Variants in RASGRF2 observed in about 807,000 individuals in gnomAD.
RASGRF2 encodes ras-specific guanine nucleotide-releasing factor 2.
Under a neutral mutation model 151.0 loss-of-function variants are expected in RASGRF2, and 76 were observed. The observed-to-expected ratio is 0.50, with a 90% CI of 0.42 to 0.61. The LOEUF is 0.61. Ranked by LOEUF, RASGRF2 falls within the 20% of genes least tolerant of loss-of-function variation. The pLI is 0.00. For missense variants in RASGRF2, 1,148 were observed against 1,564.6 expected (o/e 0.73, Z 4.49); for synonymous variants, 504 against 566.5 (o/e 0.89, Z 1.57).
intron 1 of RASGRF2, among the ~76,000 whole-genome samples, chr5:81,010,347 G>A (rs1369256390): frequency 6.6e-6 from 1 of 152,094 alleles, no homozygotes; most frequent in East Asian, 1.9e-4. Context: ...GGGAAATAAT[G>A]TGCATAGATG....
chr5:80,995,696 T>TCCCCG (rs1207943552), intron 1 of RASGRF2, among the ~76,000 whole-genome samples: 60 of 111,790 alleles, frequency 5.4e-4, no homozygotes, highest in Middle Eastern at 4.4e-3. Flanking sequence ...CCCCCCCCTT[T>TCCCCG]TTTTTTTTTT....
rs1364668041 is a variant in RASGRF2, at chr5:81,080,172, G to A, written c.939G>A (p.Arg313=). Residue 313 remains arginine, a synonymous_variant, in exon 6 of 27, where the codon AGG becomes AGA. Transcript: ENST00000265080. Reference sequence around the variant, plus strand: ...TATTTCATCAAGGACTAAAGGCAAGGATAGCAAACTGGCCCACTTTAATTT... The same window carrying A: ...TATTTCATCAAGGACTAAAGGCAAGAATAGCAAACTGGCCCACTTTAATTT... ...HEIFHQGLKA[R]IANWPTLILA... is the part of the protein sequence containing the mutation. The A allele has an allele frequency of 6.3e-7, 1 of 1,599,426 alleles. No homozygotes were observed. Among genetic ancestry groups the A allele is most frequent in the East Asian group, 2.2e-5 (1 of 44,714 alleles).
rs535081843 is a variant in RASGRF2 at position 81,022,718 on chromosome 5, C to T, written c.289-20159C>T. Among the ~76,000 whole-genome samples the T allele has an allele frequency of 3.3e-5, 5 of 152,286 alleles. No individual in the cohort carries two copies. In the East Asian group the frequency reaches 5.8e-4, roughly 18 times the overall value. ...CACTGGGACTTCCCTTAGTTCATGC[C>T]GTCCTCCTCCCTGGGAGAGGGGGGC... is the stretch of plus-strand genomic sequence containing the variant. On this transcript the variant is annotated intron_variant, in intron 1 of 26. Coordinates refer to ENST00000265080, the MANE Select transcript of RASGRF2 (RefSeq NM_006909.3).
intron 25 of RASGRF2, among the ~76,000 whole-genome samples, chr5:81,217,744 A>ATTT (rs201096563): frequency 1.5e-5 from 2 of 129,064 alleles, no homozygotes; most frequent in African/African-American, 2.9e-5. Context: ...TGCCCAGCTA[A>ATTT]TTTTTTTTTT....
At chr5:81,039,998 T>TTTTG (rs1425194818) in intron 1 of RASGRF2, among the ~76,000 whole-genome samples, 1 of 152,164 alleles carries the variant, frequency 6.6e-6, no homozygotes, top group Non-Finnish European at 1.5e-5. Flanking sequence ...ACATTAACTT[T>TTTTG]TTTGTTTGTT....
chr5:81,133,933 G>C (rs1753686949), intron 17 of RASGRF2, among the ~76,000 whole-genome samples: 1 of 152,080 alleles, frequency 6.6e-6, no homozygotes, highest in South Asian at 2.1e-4. Context: ...GTTGGGCTTG[G>C]ATCGGTTTTT....
rs1243413341 is a variant in RASGRF2 at position 81,229,123 on chromosome 5, C to A, written c.*3353C>A. The A allele has an allele frequency of 3.3e-5, 5 of 151,094 alleles. No homozygotes were observed. Among genetic ancestry groups the A allele is most frequent in the African/African-American group, 1.2e-4 (5 of 41,088 alleles). 9.4% of individuals were successfully genotyped at this position (151,094 alleles called of 1,614,324 possible). On this transcript the variant is annotated 3_prime_UTR_variant, in exon 27 of 27. Coordinates refer to ENST00000265080, the MANE Select transcript of RASGRF2 (RefSeq NM_006909.3). ...CAGGGATTATTCCCAATAAAATTAA[C>A]TTTTATTTAAAAGCAAGAGATTTTA...
intron 17 of RASGRF2, among the ~76,000 whole-genome samples, chr5:81,168,625 T>A (rs563959971): frequency 6.6e-6 from 1 of 152,218 alleles, no homozygotes; most frequent in South Asian, 2.1e-4. Context: ...TGTCTTAATA[T>A]CACCCATTTT....
intron 15 of RASGRF2, among the ~76,000 whole-genome samples, chr5:81,116,066 CTTTTTTTTTTTTTTT>C (rs575647502): frequency 7.1e-3 from 350 of 49,072 alleles, no homozygotes; most frequent in East Asian, 0.023. Context: ...AATGCCATTT[CTTTTTTTTTTTTTTT>C]TTTTTTTTTT....
intron 9 of RASGRF2, among the ~76,000 whole-genome samples, chr5:81,091,151 C>A (rs1217409549): frequency 1.3e-5 from 2 of 152,208 alleles, no homozygotes. Flanking sequence ...GTTTCCCCAT[C>A]TGTGAAATGG....
intron 13 of RASGRF2, among the ~76,000 whole-genome samples, 163 bp from the exon 14 acceptor site, chr5:81,112,436 TCAAGGCACCAA>T (rs1753022417): frequency 6.6e-6 from 1 of 152,070 alleles, no homozygotes; most frequent in Admixed American, 6.6e-5. Context: ...GGTGGGGGGA[TCAAGGCACCAA>T]TCCCCCAAGA....
rs138713786 is a variant in RASGRF2, at chr5:81,171,927, G to A, written c.2687-8248G>A. Among the ~76,000 whole-genome samples the A allele has an allele frequency of 8.8e-3, 1,339 of 152,116 alleles. 11 individuals carry two copies. Among genetic ancestry groups the A allele is most frequent in the South Asian group, 0.022 (108 of 4,806 alleles). ...GTATATTCTTGTTGCATTTCTATAC[G>A]AGCATAAAAGCTGATGACAGCAGCG... On this transcript the variant is annotated intron_variant, in intron 17 of 26. Transcript: ENST00000265080.
chr5:81,073,214 C>T lies in RASGRF2; in HGVS notation c.649C>T (p.Arg217Ter), dbSNP rs755658483. ...KKIKKVQSFM[R>*]GWLCRRKWKT... ...TGTTCTGTAGGTTCAGAGCTTCATG[C>T]GAGGATGGTTGTGCAGAAGGAAATG... The change falls in exon 5 of 27, where the codon CGA becomes TGA. Residue 217 changes from arginine to a stop codon, truncating the protein, a stop_gained. Transcript: ENST00000265080. LOFTEE classifies it high-confidence loss of function. The T allele has an allele frequency of 2.5e-6, 4 of 1,613,610 alleles. No homozygotes were observed. Among genetic ancestry groups the T allele is most frequent in the South Asian group, 1.1e-5 (1 of 91,044 alleles).
chr5:81,219,850 A>G lies in RASGRF2; in HGVS notation c.3621+72A>G, dbSNP rs369484161. On this transcript the variant is annotated intron_variant, in intron 26 of 26. Coordinates refer to ENST00000265080, the MANE Select transcript of RASGRF2 (RefSeq NM_006909.3). ...ATTAATGAATTAGAAAACAACAGTA[A>G]AAGTTGATCCAAAATACCAAAAGCT... 4 of 1,291,398 alleles carry G rather than the reference A, an allele frequency of 3.1e-6. No homozygotes were observed. In the African/African-American group the frequency reaches 4.5e-5, roughly 15 times the overall value. 80.0% of individuals were successfully genotyped at this position (1,291,398 alleles called of 1,614,324 possible). A position where few individuals can be genotyped will look rare whatever the true frequency, so the allele number is the denominator to read the frequency against.
chr5:81,026,161 TCTC>T (rs1750022306), intron 1 of RASGRF2, among the ~76,000 whole-genome samples: 1 of 98,262 alleles, frequency 1.0e-5, no homozygotes, highest in Non-Finnish European at 2.3e-5. Context: ...CCTCCCTCCC[TCTC>T]TTCCTCCCTT....
At chr5:81,131,807 C>T (rs190036661) in intron 17 of RASGRF2, among the ~76,000 whole-genome samples, 97 of 152,230 alleles carry the variant, frequency 6.4e-4, no homozygotes, top group Middle Eastern at 6.8e-3. Flanking sequence ...TCCTGCCCCT[C>T]AAAACTCGAG....
In RASGRF2 at chr5:81,225,699, A is replaced by G; in HGVS notation, c.3643A>G (p.Lys1215Glu). 3 of 1,612,430 alleles carry G rather than the reference A, an allele frequency of 1.9e-6. No homozygotes were observed. The highest frequency in any genetic ancestry group is 2.5e-6 in the Non-Finnish European group (3 of 1,179,658). ...TCAGGTCGCACAGTACTTGCTTGAC[A>G]AAGACCTTATCATAGATGAAGATAC... ...QPKVAQYLLD[K>E]DLIIDEDTLY... The change falls in exon 27 of 27, where the codon AAA (lysine) becomes GAA (glutamate). Residue 1215 changes from lysine to glutamate, a missense_variant. By Grantham distance (56) the Lys-to-Glu change is moderately conservative (BLOSUM62 1). Coordinates refer to ENST00000265080, the MANE Select transcript of RASGRF2 (RefSeq NM_006909.3).
chr5:80,989,806 A>G (rs189864464), intron 1 of RASGRF2, among the ~76,000 whole-genome samples: 4 of 152,346 alleles, frequency 2.6e-5, no homozygotes, highest in African/African-American at 9.6e-5. Flanking sequence ...GTTATACTGT[A>G]GTTAATCATG....
At chr5:81,089,347 T>A (rs1752328717) in intron 9 of RASGRF2, among the ~76,000 whole-genome samples, 1 of 152,172 alleles carries the variant, frequency 6.6e-6, no homozygotes, top group Non-Finnish European at 1.5e-5. Context: ...CGTGTGTGTG[T>A]GTGTGCATGC....
Sources: gnomAD v4.1 joint callset for allele counts (sites outside exome capture counted in the v4.1 genomes callset) on GRCh38, gnomAD v4.1.1 for gene constraint, MANE v1.5 for transcripts, NCBI Gene and HGNC (gene_info 2026-07-23, HGNC 2026-07-21) for gene names.